The following PARP1 variants were observed in gnomAD, a reference collection of about 807,000 sequenced individuals.
The protein encoded by PARP1 is poly(ADP-ribose) polymerase 1.
A neutral mutation model predicts 118.7 loss-of-function variants in PARP1; 44 were observed. The ratio of observed to expected loss-of-function variants is 0.37; its 90% confidence interval spans 0.29 to 0.48. The LOEUF (loss-of-function observed/expected upper bound fraction) is 0.48. Among genes scored for constraint, PARP1 ranks in the 20% least tolerant of loss-of-function variants. PARP1 has a pLI of 0.99. For synonymous variants in PARP1, 492 were observed against 483.2 expected (o/e 1.02, Z -0.24); for missense variants, 1,100 against 1,272.4 (o/e 0.86, Z 2.06).
rs777730527 is a variant in PARP1 at position 226,385,612 on chromosome 1, C to T, written c.903G>A (p.Gln301=). 1.2e-6 allele frequency: 2 copies of T among 1,614,166 alleles called. No individual in the cohort carries two copies. Among genetic ancestry groups the T allele is most frequent in the Non-Finnish European group, 1.7e-6 (2 of 1,179,992 alleles). ...AATAGGCATCGCTCTTGAAGACCAG[C>T]TGACCCGAGCATTCCTCGCAGGGAA... ...ALLPCEECSG[Q]LVFKSDAYYC... is the part of the protein sequence containing the mutation. The change falls in exon 7 of 23, where the codon CAG becomes CAA. Residue 301 remains glutamine (Q), a synonymous_variant. Transcript: ENST00000366794.
chr1:226,396,261 G>C (rs185483112), intron 2 of PARP1, among the ~76,000 whole-genome samples: 1 of 151,948 alleles, frequency 6.6e-6, no homozygotes, highest in African/African-American at 2.4e-5. Flanking sequence ...CAGAAGAATC[G>C]CCTGAACCCG....
chr1:226,362,180 C>A, intron 21 of PARP1, 97 bp from the exon 22 acceptor site: 3 of 690,744 alleles, frequency 4.3e-6, no homozygotes, highest in South Asian at 1.6e-5. Context: ...TCCATGTGGT[C>A]TTTCTTTTTT....
chr1:226,381,279 G>A (rs1664601406), intron 8 of PARP1, 71 bp from the exon 9 acceptor site: 9 of 1,576,944 alleles, frequency 5.7e-6, no homozygotes, highest in South Asian at 4.4e-5. Flanking sequence ...GGAGGTGGAG[G>A]AGCAGGTGAG....
intron 2 of PARP1, among the ~76,000 whole-genome samples, chr1:226,396,054 G>A (rs1481346347): frequency 6.6e-6 from 1 of 152,132 alleles, no homozygotes; most frequent in Non-Finnish European, 1.5e-5. Flanking sequence ...ACTTAAAAAT[G>A]GTTAAGACAG....
intron 4 of PARP1, among the ~76,000 whole-genome samples, chr1:226,390,166 C>T (rs1179230728): frequency 6.6e-6 from 1 of 152,124 alleles, no homozygotes; most frequent in Non-Finnish European, 1.5e-5. Flanking sequence ...GAATAGACCA[C>T]CAGGAAGCAG....
At position 226,407,827 on chromosome 1, in the gene PARP1, T is replaced by C. The variant is rs751984430; in HGVS notation, c.103A>G (p.Met35Val). Residue 35 changes from methionine to valine, a missense_variant, in exon 1 of 23, where the codon ATG becomes GTG. By Grantham distance (21) the Met-to-Val change is conservative. Transcript: ENST00000366794. ...GCCCGCACCTGCACCATGATGGCCA[T>C]CCGGAGCGAGTCCTTGGGGATGCTC... ...SESIPKDSLR[M>V]AIMVQSPMFD... 1.9e-6 allele frequency: 3 copies of C among 1,574,472 alleles called. No individual in the cohort carries two copies. Among genetic ancestry groups the C allele is most frequent in the Admixed American group, 1.8e-5 (1 of 54,184 alleles).
chr1:226,407,669 G>A (rs1464116968), intron 1 of PARP1, 141 bp downstream of exon 1: 3 of 770,188 alleles, frequency 3.9e-6, no homozygotes, highest in African/African-American at 1.9e-5. Context: ...AGGAGGGGCG[G>A]CCGCGGCCCC....
intron 16 of PARP1, among the ~76,000 whole-genome samples, 200 bp from the exon 17 acceptor site, chr1:226,367,808 G>A (rs1171768246): frequency 6.6e-6 from 1 of 152,222 alleles, no homozygotes; most frequent in East Asian, 1.9e-4. Flanking sequence ...AAGGCCTTGT[G>A]GCCTGGGGGA....
intron 2 of PARP1, among the ~76,000 whole-genome samples, chr1:226,396,599 TAGTA>T (rs1178675217): frequency 6.6e-6 from 1 of 152,176 alleles, no homozygotes; most frequent in African/African-American, 2.4e-5. Flanking sequence ...TATCTAAAAA[TAGTA>T]AGTTAGGCTC....
intron 1 of PARP1, among the ~76,000 whole-genome samples, chr1:226,406,939 A>C (rs764469598): frequency 6.6e-6 from 1 of 152,218 alleles, no homozygotes; most frequent in Non-Finnish European, 1.5e-5. Flanking sequence ...GACCATGAGC[A>C]CTAAGCTTGG....
In PARP1 at chr1:226,407,793, C is replaced by T; in HGVS notation, c.120+17G>A. 1 of 1,554,486 alleles carries T rather than the reference C, an allele frequency of 6.4e-7. No homozygotes were observed. The highest frequency in any genetic ancestry group is 8.7e-7 in the Non-Finnish European group (1 of 1,149,164). ...GGCGCCGCGTCCCCGCCCCGCCGCC[C>T]GCACAGCGGCCCGCACCTGCACCAT... On this transcript the variant is annotated intron_variant, in intron 1 of 22. Coordinates refer to ENST00000366794, the MANE Select transcript of PARP1 (RefSeq NM_001618.4).
chr1:226,397,951 A>T (rs1269831012), intron 2 of PARP1, among the ~76,000 whole-genome samples: 1 of 151,554 alleles, frequency 6.6e-6, no homozygotes, highest in Admixed American at 6.6e-5. Context: ...ACAACTGGAC[A>T]TCCACATGCG....
At chr1:226,370,291 A>C (rs1664353875) in intron 15 of PARP1, 143 bp downstream of exon 15, 3 of 731,438 alleles carry the variant, frequency 4.1e-6, no homozygotes, top group Non-Finnish European at 7.5e-6. Flanking sequence ...TTGAACTGAA[A>C]AAAATCGAAA....
intron 2 of PARP1, among the ~76,000 whole-genome samples, chr1:226,395,806 T>C (rs957749606): frequency 2.2e-4 from 34 of 152,192 alleles, no homozygotes; most frequent in African/African-American, 8.2e-4. Flanking sequence ...AGAACTATGC[T>C]GAGTGAAGTA....
chr1:226,362,095 A>C lies in PARP1; in HGVS notation c.2849-12T>G, dbSNP rs771707757. On this transcript the variant is annotated splice_polypyrimidine_tract_variant and intron_variant, in intron 21 of 22. Transcript: ENST00000366794. Reference sequence around the variant, plus strand: ...AGTTTTGCCCAAACCTGAAAAACAGAAGTCACAAGTGACATGAACTGTGAG... The same window carrying C: ...AGTTTTGCCCAAACCTGAAAAACAGCAGTCACAAGTGACATGAACTGTGAG... 1 of 1,486,680 alleles carries C rather than the reference A, an allele frequency of 6.7e-7. No individual in the cohort carries two copies. The highest frequency in any genetic ancestry group is 9.4e-7 in the Non-Finnish European group (1 of 1,063,676). 92.1% of individuals were successfully genotyped at this position (1,486,680 alleles called of 1,614,324 possible).
chr1:226,374,364 A>T lies in PARP1; in HGVS notation c.1942-10T>A. On this transcript the variant is annotated splice_polypyrimidine_tract_variant and intron_variant, in intron 13 of 22. Transcript: ENST00000366794. ...TCACTGCCTCTTCATCCTTCAGGAA[A>T]AAAGCACATTGCTAAGAGACCCAAA... 1 of 1,614,188 alleles carries T rather than the reference A, an allele frequency of 6.2e-7. No individual in the cohort carries two copies. Among genetic ancestry groups the T allele is most frequent in the South Asian group, 1.1e-5 (1 of 91,086 alleles).
At chr1:226,406,266 G>A (rs1051653726) in intron 1 of PARP1, among the ~76,000 whole-genome samples, 1 of 152,176 alleles carries the variant, frequency 6.6e-6, no homozygotes, top group Non-Finnish European at 1.5e-5. Flanking sequence ...AGTGGAGATG[G>A]AGATATCAAT....
At chr1:226,364,192 T>G in intron 19 of PARP1, 122 bp from the exon 20 acceptor site, 1 of 934,136 alleles carries the variant, frequency 1.1e-6, no homozygotes, top group South Asian at 1.3e-5. Flanking sequence ...CTTCTAATTC[T>G]CACAATGCCC....
chr1:226,404,288 T>C (rs185288609), intron 1 of PARP1, among the ~76,000 whole-genome samples: 1 of 152,350 alleles, frequency 6.6e-6, no homozygotes, highest in African/African-American at 2.4e-5. Flanking sequence ...TCTGAGAGCA[T>C]ACTCATGTTC....
Sources: allele counts gnomAD v4.1 joint callset (sites outside exome capture counted in the v4.1 genomes callset), GRCh38; gene constraint gnomAD v4.1.1; transcripts MANE v1.5; gene names NCBI Gene and HGNC (gene_info 2026-07-23, HGNC 2026-07-21).